Variants in SEMA5A observed in about 807,000 individuals in gnomAD.
SEMA5A encodes semaphorin 5A, also known as semaphorin-5A.
In SEMA5A, 55 loss-of-function variants were observed where a neutral mutation model predicts 135.5. The observed-to-expected ratio is 0.41, with a 90% CI of 0.33 to 0.51. The LOEUF (loss-of-function observed/expected upper bound fraction) is 0.51, where lower values mean the gene tolerates loss of function less well. Among genes scored for constraint, SEMA5A ranks in the 20% least tolerant of loss-of-function variants. The probability of loss-of-function intolerance (pLI) is 0.37; values close to 1 mark genes in which losing one functional copy is unlikely to be tolerated. For missense variants in SEMA5A, 1,290 were observed against 1,419.9 expected (o/e 0.91, Z 1.47); for synonymous variants, 580 against 546.5 (o/e 1.06, Z -0.85).
chr5:9,174,523 C>G (rs1744100485), intron 11 of SEMA5A, among the ~76,000 whole-genome samples: 1 of 152,184 alleles, frequency 6.6e-6, no homozygotes, highest in Non-Finnish European at 1.5e-5. Flanking sequence ...GCTATTTTAT[C>G]ACGCACTGGA....
At chr5:9,164,067 A>C (rs1455492239) in intron 11 of SEMA5A, among the ~76,000 whole-genome samples, 1 of 140,226 alleles carries the variant, frequency 7.1e-6, no homozygotes, top group Non-Finnish European at 1.5e-5. Context: ...ATAAATATTT[A>C]TATAATTTAT....
At chr5:9,158,853 A>G (rs1306869567) in intron 11 of SEMA5A, among the ~76,000 whole-genome samples, 1 of 152,232 alleles carries the variant, frequency 6.6e-6, no homozygotes, top group Non-Finnish European at 1.5e-5. Flanking sequence ...TGAAAACATC[A>G]TTAAATATTA....
chr5:9,345,368 C>G (rs552621109), intron 3 of SEMA5A, among the ~76,000 whole-genome samples: 17 of 152,192 alleles, frequency 1.1e-4, no homozygotes, highest in Non-Finnish European at 2.1e-4. Flanking sequence ...ACCACCTGCC[C>G]TGGCAGCCTT....
intron 2 of SEMA5A, among the ~76,000 whole-genome samples, chr5:9,434,856 T>C (rs1757975631): frequency 1.3e-5 from 2 of 152,200 alleles, no homozygotes; most frequent in South Asian, 4.1e-4. Flanking sequence ...CTCTTGAGTT[T>C]GCTGCAATTA....
chr5:9,160,655 T>TA (rs1270623044), intron 11 of SEMA5A, among the ~76,000 whole-genome samples: 2 of 136,630 alleles, frequency 1.5e-5, no homozygotes, highest in East Asian at 2.1e-4. Context: ...ATATATATAT[T>TA]TTTTGCTGGT....
intron 3 of SEMA5A, among the ~76,000 whole-genome samples, chr5:9,368,486 C>T (rs1205717858): frequency 1.3e-5 from 2 of 152,150 alleles, no homozygotes; most frequent in Non-Finnish European, 2.9e-5. Context: ...TAAAACCTGT[C>T]ACCACCTCTT....
intron 1 of SEMA5A, among the ~76,000 whole-genome samples, chr5:9,448,103 C>A (rs1758499733): frequency 6.6e-6 from 1 of 152,196 alleles, no homozygotes; most frequent in South Asian, 2.1e-4. Context: ...TGCTTCCCAA[C>A]ACATACCCTT....
intron 5 of SEMA5A, among the ~76,000 whole-genome samples, chr5:9,258,792 CTTCT>C (rs1338141545): frequency 1.0e-4 from 8 of 77,056 alleles, no homozygotes; most frequent in Admixed American, 2.7e-4. Flanking sequence ...TTTGTCTTTT[CTTCT>C]TTCTTTCTTT....
At chr5:9,139,741 C>G (rs772870439) in intron 12 of SEMA5A, among the ~76,000 whole-genome samples, 7 of 152,126 alleles carry the variant, frequency 4.6e-5, no homozygotes, top group Non-Finnish European at 8.8e-5. Context: ...TGCAGTAAAA[C>G]TTATGAACAC....
chr5:9,491,846 T>C (rs186397482), intron 1 of SEMA5A, among the ~76,000 whole-genome samples: 1 of 152,330 alleles, frequency 6.6e-6, no homozygotes, highest in East Asian at 1.9e-4. Flanking sequence ...GATATTCTTA[T>C]TCAATATATG....
intron 3 of SEMA5A, among the ~76,000 whole-genome samples, chr5:9,350,373 GC>G (rs1754060573): frequency 6.6e-6 from 1 of 152,214 alleles, no homozygotes. Flanking sequence ...CGGTATTCAA[GC>G]CAAGCATGTT....
chr5:9,051,476 T>TA (rs1404165226), intron 20 of SEMA5A, among the ~76,000 whole-genome samples: 3 of 152,230 alleles, frequency 2.0e-5, no homozygotes, highest in African/African-American at 7.2e-5. Flanking sequence ...ATATTAAAGA[T>TA]AGCATAAAGA....
At chr5:9,294,391 C>T (rs903927161) in intron 5 of SEMA5A, among the ~76,000 whole-genome samples, 1 of 152,182 alleles carries the variant, frequency 6.6e-6, no homozygotes, top group Non-Finnish European at 1.5e-5. Flanking sequence ...GGACCCTGGC[C>T]TTCGTTTCAA....
chr5:9,518,619 C>T (rs542201845), intron 1 of SEMA5A, among the ~76,000 whole-genome samples: 11 of 152,148 alleles, frequency 7.2e-5, no homozygotes, highest in Non-Finnish European at 1.5e-4. Context: ...CATCCAATTC[C>T]ACTGCCATAA....
intron 12 of SEMA5A, among the ~76,000 whole-genome samples, chr5:9,144,201 C>A (rs1308940272): frequency 6.6e-6 from 1 of 152,180 alleles, no homozygotes; most frequent in Non-Finnish European, 1.5e-5. Flanking sequence ...GTCCTCTCCT[C>A]TTGGCTAATT....
At chr5:9,404,266 T>G (rs888111203) in intron 2 of SEMA5A, among the ~76,000 whole-genome samples, 1 of 152,022 alleles carries the variant, frequency 6.6e-6, no homozygotes, top group Admixed American at 6.6e-5. Context: ...TACATATGAT[T>G]TCTCTGTTCA....
intron 17 of SEMA5A, among the ~76,000 whole-genome samples, chr5:9,064,149 A>C (rs1291772447): frequency 3.9e-5 from 6 of 152,198 alleles, no homozygotes; most frequent in Non-Finnish European, 7.3e-5. Flanking sequence ...ATTGAATTAG[A>C]ATTGTCTGTC....
At chr5:9,436,381 G>C (rs1758032336) in intron 2 of SEMA5A, among the ~76,000 whole-genome samples, 1 of 152,184 alleles carries the variant, frequency 6.6e-6, no homozygotes, top group South Asian at 2.1e-4. Context: ...ATCTACGTGG[G>C]CTGGAGAAAG....
intron 11 of SEMA5A, among the ~76,000 whole-genome samples, chr5:9,186,499 A>T (rs1306521755): frequency 6.6e-6 from 1 of 152,210 alleles, no homozygotes; most frequent in East Asian, 1.9e-4. Flanking sequence ...GCCTGGAAGG[A>T]TATCAAACTG....
Sources: gnomAD v4.1 joint callset for allele counts (sites outside exome capture counted in the v4.1 genomes callset) on GRCh38, gnomAD v4.1.1 for gene constraint, MANE v1.5 for transcripts, NCBI Gene and HGNC (gene_info 2026-07-23, HGNC 2026-07-21) for gene names.